The following GADL1 variants were observed in gnomAD, a reference collection of about 807,000 sequenced individuals.
The protein encoded by GADL1 is GAD like acidic amino acid decarboxylase 1.
Under a neutral mutation model 69.5 loss-of-function variants are expected in GADL1, and 71 were observed. The ratio of observed to expected loss-of-function variants is 1.02; its 90% CI spans 0.84 to 1.25. GADL1 has a LOEUF of 1.25. Ranked by LOEUF, GADL1 falls within the 50% of genes most tolerant of loss-of-function variation. The pLI is 0.00. For missense variants in GADL1, 737 were observed against 631.8 expected, an observed-to-expected ratio of 1.17 and a Z score of -1.79; for synonymous variants, 254 against 214.4, an observed-to-expected ratio of 1.18 and a Z score of -1.62.
intron 1 of GADL1, among the ~76,000 whole-genome samples, chr3:30,872,239 G>A (rs1449341416): frequency 6.6e-6 from 1 of 151,750 alleles, no homozygotes; most frequent in Non-Finnish European, 1.5e-5. Flanking sequence ...TCCCAGTTTG[G>A]AGCACTTTAC....
intron 14 of GADL1, among the ~76,000 whole-genome samples, chr3:30,756,262 A>G (rs1177148472): frequency 6.6e-6 from 1 of 152,188 alleles, no homozygotes; most frequent in Non-Finnish European, 1.5e-5. Flanking sequence ...TCAGCTACTC[A>G]ACTGATCTGG....
rs1575209843 is a variant in GADL1 at position 30,796,946 on chromosome 3, T to G, written c.1250+3943A>C. On this transcript the variant is annotated intron_variant, in intron 12 of 14. Coordinates refer to ENST00000282538, the MANE Select transcript of GADL1 (RefSeq NM_207359.3). ...AGCCATGTGTTTACCTGTCCTTATATCCAAGCCCTTTGCTATGTAACTTTG... is the reference window on the plus strand; with the variant it reads ...AGCCATGTGTTTACCTGTCCTTATAGCCAAGCCCTTTGCTATGTAACTTTG... Among the ~76,000 whole-genome samples, 5 of 152,206 alleles carry G rather than the reference T, an allele frequency of 3.3e-5. No individual in the cohort carries two copies. The South Asian group carries it at 1.0e-3, about 31-fold the overall frequency.
chr3:30,790,603 C>T (rs965813100), intron 12 of GADL1, among the ~76,000 whole-genome samples: 1 of 152,040 alleles, frequency 6.6e-6, no homozygotes, highest in Non-Finnish European at 1.5e-5. Flanking sequence ...TGACAACATC[C>T]AGTGGTGGTA....
chr3:30,758,746 A>G lies in GADL1; in HGVS notation c.1392+19433T>C, dbSNP rs985616568. Reference sequence around the variant, plus strand: ...AGAGGACTCCATTGTATTTCCATAAAGCAAGTATTTATTTATTGCCTCATA... The same window carrying G: ...AGAGGACTCCATTGTATTTCCATAAGGCAAGTATTTATTTATTGCCTCATA... On this transcript the variant is annotated intron_variant, in intron 14 of 14. Transcript: ENST00000282538. Among the ~76,000 whole-genome samples the G allele has an allele frequency of 1.1e-4, 17 of 152,236 alleles. 1 individual carries two copies. Among genetic ancestry groups the G allele is most frequent in the African/African-American group, 4.1e-4 (17 of 41,444 alleles).
chr3:30,805,168 C>T (rs991236278), intron 11 of GADL1, among the ~76,000 whole-genome samples: 2 of 152,192 alleles, frequency 1.3e-5, no homozygotes, highest in African/African-American at 4.8e-5. Flanking sequence ...TTTCACAACC[C>T]AGTGAGATAA....
chr3:30,802,887 G>A (rs535557650), intron 11 of GADL1, among the ~76,000 whole-genome samples: 1 of 152,138 alleles, frequency 6.6e-6, no homozygotes, highest in Non-Finnish European at 1.5e-5. Flanking sequence ...ATCACCTGAG[G>A]CCAGCCGTTT....
At position 30,726,457 on chromosome 3, in the gene GADL1, C is replaced by T. The variant is rs1262952821; in HGVS notation, c.*1785G>A. ...GAAATATTTTATGTAGACATTAAAA[C>T]AAAAAGGCAACAAGAAATGCAAAAT... On this transcript the variant is annotated 3_prime_UTR_variant, in exon 15 of 15. Transcript: ENST00000282538. The T allele has an allele frequency of 2.0e-5, 3 of 151,234 alleles. No individual in the cohort carries two copies. The highest frequency in any genetic ancestry group is 3.9e-4 in the East Asian group (2 of 5,156). The allele number at this position is 151,234 out of a possible 1,614,324, so 9.4% of individuals were successfully genotyped here. A position where few individuals can be genotyped will look rare whatever the true frequency, so the allele number is the denominator to read the frequency against.
Position 30,800,806 on chromosome 3 carries a change from G to GAC in GADL1, c.1250+81_1250+82dup, listed in dbSNP as rs35529398. 3,197 of 726,784 alleles carry GAC rather than the reference G, an allele frequency of 4.4e-3. 9 individuals are homozygous for GAC. Among genetic ancestry groups the GAC allele is most frequent in the African/African-American group, 0.013 (663 of 52,900 alleles). The allele number at this position is 726,784 out of a possible 1,614,324, so 45.0% of individuals were successfully genotyped here. On this transcript the variant is annotated intron_variant, in intron 12 of 14. Transcript: ENST00000282538. ...GGTCTTCCTATTACAGACACAGATA[G>GAC]ACACACACACACACACACACACACA...
intron 6 of GADL1, among the ~76,000 whole-genome samples, chr3:30,849,205 C>G (rs1241716665): frequency 2.0e-5 from 3 of 152,142 alleles, no homozygotes; most frequent in Non-Finnish European, 4.4e-5. Flanking sequence ...CATCAGCCAG[C>G]CAACCCCTAG....
chr3:30,734,474 T>G (rs977078542), intron 14 of GADL1, among the ~76,000 whole-genome samples: 4 of 152,292 alleles, frequency 2.6e-5, no homozygotes, highest in East Asian at 1.9e-4. Context: ...TGGATTCAGC[T>G]AAATATATAT....
At chr3:30,775,913 C>T (rs879401898) in intron 14 of GADL1, among the ~76,000 whole-genome samples, 4 of 152,056 alleles carry the variant, frequency 2.6e-5, no homozygotes, top group African/African-American at 4.8e-5. Flanking sequence ...GGTGAAACCC[C>T]ATCTCGACAA....
chr3:30,845,123 T>C (rs1478644310), intron 6 of GADL1, among the ~76,000 whole-genome samples: 1 of 152,102 alleles, frequency 6.6e-6, no homozygotes, highest in Non-Finnish European at 1.5e-5. Flanking sequence ...CACCCAAGAA[T>C]GTGGCTAAAA....
At chr3:30,732,478 C>T (rs1233249403) in intron 14 of GADL1, among the ~76,000 whole-genome samples, 2 of 152,134 alleles carry the variant, frequency 1.3e-5, no homozygotes, top group East Asian at 1.9e-4. Flanking sequence ...TCTCTCCCTA[C>T]CCCTGAGTTA....
At chr3:30,757,175 T>C (rs1695994365) in intron 14 of GADL1, among the ~76,000 whole-genome samples, 1 of 152,090 alleles carries the variant, frequency 6.6e-6, no homozygotes, top group South Asian at 2.1e-4. Context: ...GCTCCCAAAA[T>C]GTGATTGAAA....
intron 14 of GADL1, among the ~76,000 whole-genome samples, chr3:30,771,992 A>G (rs1696428484): frequency 6.6e-6 from 1 of 152,230 alleles, no homozygotes; most frequent in African/African-American, 2.4e-5. Context: ...CCAAAGCAGC[A>G]GCCTGTGTAG....
chr3:30,894,445 G>A (rs935483180), intron 1 of GADL1, 133 bp downstream of exon 1: 1 of 602,384 alleles, frequency 1.7e-6, no homozygotes, highest in Non-Finnish European at 2.9e-6. Context: ...CCATGAAGAT[G>A]GGGACTTTCT....
At chr3:30,737,172 A>G (rs567626273) in intron 14 of GADL1, among the ~76,000 whole-genome samples, 23 of 152,276 alleles carry the variant, frequency 1.5e-4, no homozygotes, top group East Asian at 9.6e-4. Flanking sequence ...TATATTTACC[A>G]GGCCACCCAA....
chr3:30,893,185 AC>A (rs1698807971), intron 1 of GADL1, among the ~76,000 whole-genome samples: 1 of 152,218 alleles, frequency 6.6e-6, no homozygotes, highest in African/African-American at 2.4e-5. Context: ...GTATGTGCTG[AC>A]CCTAGAAACA....
chr3:30,862,127 G>GA lies in GADL1; in HGVS notation c.38-363dup, dbSNP rs541107610. Among the ~76,000 whole-genome samples the GA allele has an allele frequency of 9.6e-4, 145 of 151,746 alleles. 1 individual carries two copies. Among genetic ancestry groups the GA allele is most frequent in the African/African-American group, 3.2e-3 (132 of 41,450 alleles). On this transcript the variant is annotated intron_variant, in intron 1 of 14. Transcript: ENST00000282538. The stretch of plus-strand genomic sequence containing the variant: ...CCCATGCTAGATGGTGTTTGAAGTT[G>GA]AAAAAAAATGTTTTCCATAATTAGA...
Sources: gnomAD v4.1 joint callset for allele counts (sites outside exome capture counted in the v4.1 genomes callset) on GRCh38, gnomAD v4.1.1 for gene constraint, MANE v1.5 for transcripts, NCBI Gene and HGNC (gene_info 2026-07-23, HGNC 2026-07-21) for gene names.